ADGRL2: variants seen among roughly 807,000 people sequenced by gnomAD.
The protein encoded by ADGRL2 is adhesion G protein-coupled receptor L2.
A neutral mutation model predicts 157.4 loss-of-function variants in ADGRL2; 44 were observed. That is an observed-to-expected ratio of 0.28 (90% CI 0.22 to 0.36). The LOEUF is 0.36. Ranked by LOEUF, ADGRL2 falls within the 10% of genes least tolerant of loss-of-function variation. The probability of loss-of-function intolerance (pLI) is 1.00; values close to 1 mark genes in which losing one functional copy is unlikely to be tolerated. For missense variants in ADGRL2, 1,510 were observed against 1,768.9 expected (o/e 0.85, Z 2.63); for synonymous variants, 585 against 624.7 (o/e 0.94, Z 0.95).
chr1:81,502,602 T>C (rs1477487338), intron 2 of ADGRL2: 12 of 1,613,562 alleles, frequency 7.4e-6, no homozygotes, highest in Non-Finnish European at 9.3e-6. Flanking sequence ...TGGAGGGAGA[T>C]CACCAAAGGC....
intron 2 of ADGRL2, among the ~76,000 whole-genome samples, chr1:81,769,091 A>G (rs1283342313): frequency 6.6e-6 from 1 of 152,142 alleles, no homozygotes; most frequent in East Asian, 1.9e-4. Flanking sequence ...TCAAAAAAAA[A>G]ATTGAATTAT....
rs142949200 is a variant in ADGRL2 at position 81,757,346 on chromosome 1, A to C, written c.-142-4465A>C. 6.9e-3 allele frequency among the ~76,000 whole-genome samples: 1,057 copies of C among 152,264 alleles called. 12 individuals carry two copies. The highest frequency in any genetic ancestry group is 0.024 in the African/African-American group (1,010 of 41,558). ...AAATATGGCCTGAGAGGGACCCTGT[A>C]CTTCTATATTTGAATCCTTGTGGAT... is the stretch of plus-strand genomic sequence containing the variant. On this transcript the variant is annotated intron_variant, in intron 1 of 20. Transcript: ENST00000359929.
chr1:81,857,950 A>G (rs1302710155), intron 2 of ADGRL2, among the ~76,000 whole-genome samples: 2 of 152,066 alleles, frequency 1.3e-5, no homozygotes, highest in Non-Finnish European at 2.9e-5. Flanking sequence ...TGTTAAATTG[A>G]TATTTTTAGA....
intron 1 of ADGRL2, among the ~76,000 whole-genome samples, chr1:81,417,738 T>C (rs1327314234): frequency 1.3e-5 from 2 of 152,226 alleles, no homozygotes; most frequent in African/African-American, 2.4e-5. Context: ...CTAAGGTTGG[T>C]AGGTCATTTC....
rs553834633 is a variant in ADGRL2, at chr1:81,419,646, T to G, written c.-301-25390T>G. ...GCATAAATATCTCTAGGACAGTATTTTCAAATGATGCATAGAGGTAAATAC... is the reference window on the plus strand; with the variant it reads ...GCATAAATATCTCTAGGACAGTATTGTCAAATGATGCATAGAGGTAAATAC... On this transcript the variant is annotated intron_variant, in intron 1 of 24. Transcript: ENST00000370721. 3.3e-5 allele frequency among the ~76,000 whole-genome samples: 5 copies of G among 152,364 alleles called. No homozygotes were observed. In the South Asian group the frequency reaches 1.0e-3, roughly 32 times the overall value.
intron 1 of ADGRL2, among the ~76,000 whole-genome samples, chr1:81,363,184 G>A (rs1435261631): frequency 6.6e-6 from 1 of 151,982 alleles, no homozygotes; most frequent in Non-Finnish European, 1.5e-5. Flanking sequence ...TTAAAATTTA[G>A]TAATGTGTAG....
At chr1:81,532,815 G>T (rs1033308404) in intron 2 of ADGRL2, among the ~76,000 whole-genome samples, 1 of 152,034 alleles carries the variant, frequency 6.6e-6, no homozygotes, top group African/African-American at 2.4e-5. Flanking sequence ...AGCCACTCGG[G>T]AGGCAAAGGT....
At chr1:81,915,498 AC>A (rs1302911085) in intron 3 of ADGRL2, among the ~76,000 whole-genome samples, 10 of 152,070 alleles carry the variant, frequency 6.6e-5, no homozygotes, top group African/African-American at 2.2e-4. Flanking sequence ...GGGGGTTTTT[AC>A]CTTTTGTATT....
chr1:81,316,136 A>G (rs1446923003), intron 1 of ADGRL2, among the ~76,000 whole-genome samples: 188 of 133,182 alleles, frequency 1.4e-3, no homozygotes, highest in African/African-American at 5.8e-3. Flanking sequence ...AAAACAAAAA[A>G]AAAAAAGAAA....
chr1:81,675,245 C>CTTCT (rs1298599598), intron 3 of ADGRL2, among the ~76,000 whole-genome samples: 1 of 152,220 alleles, frequency 6.6e-6, no homozygotes, highest in African/African-American at 2.4e-5. Context: ...AAAGAAGAGA[C>CTTCT]TTCTGCTCAG....
intron 1 of ADGRL2, among the ~76,000 whole-genome samples, chr1:81,756,197 C>G (rs1406947170): frequency 8.5e-5 from 13 of 152,174 alleles, no homozygotes; most frequent in Admixed American, 8.5e-4. Flanking sequence ...TAACTCTCAT[C>G]CATTCTTGAA....
chr1:81,681,524 T>C (rs765757288), intron 3 of ADGRL2, among the ~76,000 whole-genome samples: 8 of 152,250 alleles, frequency 5.3e-5, no homozygotes, highest in Non-Finnish European at 1.0e-4. Context: ...AGTTGGTTAT[T>C]GTGCTAATAA....
intron 1 of ADGRL2, among the ~76,000 whole-genome samples, chr1:81,727,390 T>C (rs942933702): frequency 6.6e-6 from 1 of 152,204 alleles, no homozygotes; most frequent in East Asian, 1.9e-4. Context: ...TTAGTACTTA[T>C]ATTTATTTGT....
intron 3 of ADGRL2, among the ~76,000 whole-genome samples, chr1:81,646,378 C>T (rs1165353497): frequency 6.6e-6 from 1 of 152,146 alleles, no homozygotes; most frequent in Non-Finnish European, 1.5e-5. Context: ...AGTAAAGGCC[C>T]TGGTCACGAT....
rs1313113136 is a variant in ADGRL2 at position 81,989,574 on chromosome 1, C to G, written c.3656-817C>G. 18 of 1,091,124 alleles carry G rather than the reference C, an allele frequency of 1.6e-5. No individual in the cohort carries two copies. In the Admixed American group the frequency reaches 3.1e-4, roughly 19 times the overall value. 67.6% of individuals were successfully genotyped at this position (1,091,124 alleles called of 1,614,324 possible). A position where few individuals can be genotyped will look rare whatever the true frequency, so the allele number is the denominator to read the frequency against. The stretch of plus-strand genomic sequence containing the variant: ...TTGCTGGTAATCTAATTTGTTGAAC[C>G]CTTGCTCTGACTAAGTTGCTGAGAA... On this transcript the variant is annotated intron_variant, in intron 23 of 23. Transcript: ENST00000686636.
Position 81,758,432 on chromosome 1 carries a change from T to G in ADGRL2, c.-142-3379T>G, listed in dbSNP as rs548717296. Among the ~76,000 whole-genome samples the G allele has an allele frequency of 1.4e-4, 22 of 152,292 alleles. No individual in the cohort carries two copies. In the East Asian group the frequency reaches 4.3e-3, roughly 29 times the overall value. Reference sequence around the variant, plus strand: ...GAATGCCAATTAGGGCCGATTTATATGTCTCCTTGGAGGTTTTAGATAACT... The same window carrying G: ...GAATGCCAATTAGGGCCGATTTATAGGTCTCCTTGGAGGTTTTAGATAACT... On this transcript the variant is annotated intron_variant, in intron 1 of 20. Transcript: ENST00000359929.
chr1:81,588,411 T>G (rs2081068846), intron 3 of ADGRL2: 1 of 152,246 alleles, frequency 6.6e-6, no homozygotes, highest in Non-Finnish European at 1.5e-5. Context: ...GCACAACAAC[T>G]TCAGGATTCT....
chr1:81,980,232 C>T (rs1024263731), intron 18 of ADGRL2, among the ~76,000 whole-genome samples: 41 of 151,736 alleles, frequency 2.7e-4, no homozygotes, highest in African/African-American at 9.6e-4. Flanking sequence ...ATTTAAAATG[C>T]AGTTCAAAAT....
intron 1 of ADGRL2, among the ~76,000 whole-genome samples, chr1:81,334,103 C>T (rs529416568): frequency 6.6e-6 from 1 of 152,228 alleles, no homozygotes; most frequent in African/African-American, 2.4e-5. Context: ...TTCAAATAGA[C>T]CAACACAGGA....
Sources: gnomAD v4.1 joint callset for allele counts (sites outside exome capture counted in the v4.1 genomes callset) on GRCh38, gnomAD v4.1.1 for gene constraint, MANE v1.5 for transcripts, NCBI Gene and HGNC (gene_info 2026-07-23, HGNC 2026-07-21) for gene names.